The following HAL variants were observed in gnomAD, a reference collection of about 807,000 sequenced individuals.
HAL encodes histidase.
A neutral mutation model predicts 81.1 loss-of-function variants in HAL; 85 were observed. The ratio of observed to expected loss-of-function variants is 1.05; its 90% CI spans 0.88 to 1.25. The LOEUF (loss-of-function observed/expected upper bound fraction) is 1.25. Among genes scored for constraint, HAL ranks in the 50% most tolerant of loss-of-function variants. The pLI, the probability that HAL is intolerant of heterozygous loss-of-function variation, is 0.00. For synonymous variants in HAL, 301 were observed against 309.2 expected, an observed-to-expected ratio of 0.97 and a Z score of 0.28; for missense variants, 798 against 836.6, an observed-to-expected ratio of 0.95 and a Z score of 0.57.
rs121434328 is a variant in HAL at position 95,992,772 on chromosome 12, C to T, written c.623G>A (p.Arg208Gln). ...ATTGATCCTTAAAGCCAAGAGCATC[C>T]GACACCTCTCAGGACTTAGTGGTTT... ...VGKPLSPERC[R>Q]MLLALRINVL... Residue 208 changes from arginine (R) to glutamine (Q), a missense_variant, in exon 9 of 21, where the codon CGG becomes CAG. Physicochemically the swap from Arg to Gln is conservative, Grantham distance 43 (BLOSUM62 1). Coordinates refer to ENST00000261208, the MANE Select transcript of HAL (RefSeq NM_002108.4). 1.9e-5 allele frequency: 30 copies of T among 1,612,620 alleles called. No individual in the cohort carries two copies. The highest frequency in any genetic ancestry group is 5.3e-5 in the African/African-American group (4 of 74,876).
chr12:95,996,276 T>G lies in HAL; in HGVS notation c.-280A>C. 1 of 306,630 alleles carries G rather than the reference T, an allele frequency of 3.3e-6. No individual in the cohort carries two copies. Among genetic ancestry groups the G allele is most frequent in the Admixed American group, 4.5e-5 (1 of 22,286 alleles). The allele number at this position is 306,630 out of a possible 1,614,324, so 19.0% of individuals were successfully genotyped here. A position where few individuals can be genotyped will look rare whatever the true frequency, so the allele number is the denominator to read the frequency against. ...TTCAGGGTCCCCAATTTCTCTCTCT[T>G]CCCTCGTTTCTGTCTGTGTTCTCTG... is the stretch of plus-strand genomic sequence containing the variant. On this transcript the variant is annotated 5_prime_UTR_variant, in exon 1 of 21. Coordinates refer to ENST00000261208, the MANE Select transcript of HAL (RefSeq NM_002108.4).
chr12:95,994,245 A>C, intron 4 of HAL, 81 bp from the exon 5 acceptor site: 1 of 904,012 alleles, frequency 1.1e-6, no homozygotes, highest in Non-Finnish European at 1.9e-6. Context: ...AACAGAACCA[A>C]ACTGACATTT....
Position 95,995,641 on chromosome 12 carries a change from G to A in HAL, c.247+23C>T, listed in dbSNP as rs139887075. The A allele has an allele frequency of 1.4e-3, 2,325 of 1,612,154 alleles. 25 individuals are homozygous for A. The African/African-American group carries it at 0.026, about 18-fold the overall frequency. ...GCCAGGCCAAACCGCACCCGTTCGCGGCCCTCTCCTGCAGCCACTCACCCA... is the reference window on the plus strand; with the variant it reads ...GCCAGGCCAAACCGCACCCGTTCGCAGCCCTCTCCTGCAGCCACTCACCCA... On this transcript the variant is annotated intron_variant, in intron 2 of 20. Transcript: ENST00000261208.
rs1356527482 is a variant in HAL, at chr12:95,992,708, G to A, written c.687C>T (p.Thr229=). The A allele has an allele frequency of 8.1e-6, 13 of 1,612,600 alleles. No individual in the cohort carries two copies. Among genetic ancestry groups the A allele is most frequent in the African/African-American group, 1.3e-5 (1 of 74,874 alleles). The part of the protein sequence containing the change: ...AKGYSGISLE[T]LKQVIEMFNA... ...TAAACATTTCTATGACTTGTTTGAG[G>A]GTCTCCAGGGAAATGCCACTGTATC... The change falls in exon 9 of 21, where the codon ACC becomes ACT. Residue 229 remains threonine (T), a synonymous_variant. Transcript: ENST00000261208.
At chr12:95,995,611 A>G in intron 2 of HAL, 53 bp downstream of exon 2, 5 of 1,608,010 alleles carry the variant, frequency 3.1e-6, no homozygotes, top group Non-Finnish European at 4.2e-6. Flanking sequence ...TGCTGCAAAG[A>G]CTAAGCCAGG....
intron 8 of HAL, 29 bp downstream of exon 8, chr12:95,993,422 T>A (rs1203568268): frequency 4.8e-6 from 7 of 1,462,362 alleles, no homozygotes; most frequent in Non-Finnish European, 6.7e-6. Context: ...TCACACAAGA[T>A]CCAGGAGGCA....
rs375664999 is a variant in HAL, at chr12:95,990,371, T to C, written c.855+22A>G. ...TCCAACCTGGGGCAATTGCTGCAGA[T>C]AGAAGCTGCTACGAGTCTTACGTAT... On this transcript the variant is annotated intron_variant, in intron 10 of 20. Coordinates refer to ENST00000261208, the MANE Select transcript of HAL (RefSeq NM_002108.4). The C allele has an allele frequency of 1.2e-5, 20 of 1,606,736 alleles. No homozygotes were observed. The African/African-American group carries it at 1.7e-4, about 14-fold the overall frequency.
At chr12:95,993,532 G>C (rs764022631) in intron 7 of HAL, 44 bp from the exon 8 acceptor site, 2 of 1,299,620 alleles carry the variant, frequency 1.5e-6, no homozygotes, top group East Asian at 2.3e-5. Flanking sequence ...ATTGCAGTGA[G>C]AAAATGTTCC....
At chr12:95,988,061 T>A in intron 11 of HAL, 132 bp downstream of exon 11, 1 of 704,936 alleles carries the variant, frequency 1.4e-6, no homozygotes, top group Non-Finnish European at 2.6e-6. Flanking sequence ...GAGTTGCCCC[T>A]TCTTCAGGGA....
Position 95,993,915 on chromosome 12 carries a change from TA to T in HAL, c.484+10del. 6.5e-7 allele frequency: 1 copy of T among 1,534,700 alleles called. No individual in the cohort carries two copies. The highest frequency in any genetic ancestry group is 9.0e-7 in the Non-Finnish European group (1 of 1,107,786). ...TATAAAAATATTTATAACATAAAGA[TA>T]AAAAGATACCTGTTTTCTCTTTTAT... On this transcript the variant is annotated intron_variant, in intron 6 of 20. Transcript: ENST00000261208.
rs2080667088 is a variant in HAL at position 95,972,712 on chromosome 12, G to A, written c.*1520C>T. 6.6e-6 allele frequency: 1 copy of A among 152,176 alleles called. No homozygotes were observed. The highest frequency in any genetic ancestry group is 1.5e-5 in the Non-Finnish European group (1 of 68,036). The allele number at this position is 152,176 out of a possible 1,614,324, so 9.4% of individuals were successfully genotyped here. ...TGTTTCCCTTGAAGTTCCCTTGAAGGCGTGTGCTGTCAGTTACTAATAGAG... is the reference window on the plus strand; with the variant it reads ...TGTTTCCCTTGAAGTTCCCTTGAAGACGTGTGCTGTCAGTTACTAATAGAG... On this transcript the variant is annotated 3_prime_UTR_variant, in exon 21 of 21. Coordinates refer to ENST00000261208, the MANE Select transcript of HAL (RefSeq NM_002108.4).
At chr12:95,978,904 C>T (rs2080758473) in intron 17 of HAL, among the ~76,000 whole-genome samples, 1 of 152,168 alleles carries the variant, frequency 6.6e-6, no homozygotes, top group South Asian at 2.1e-4. Context: ...GGATCGCATC[C>T]TAAGATGATC....
At chr12:95,993,606 G>C in intron 7 of HAL, 118 bp from the exon 8 acceptor site, 1 of 879,146 alleles carries the variant, frequency 1.1e-6, no homozygotes, top group Admixed American at 1.8e-5. Flanking sequence ...AAGGCAATGG[G>C]AGAAACCAGC....
rs267603729 is a variant in HAL, at chr12:95,986,149, G to A, written c.1063C>T (p.Leu355Phe). ...TKAFDTDIHA[L>F]RPHRGQIEVA... ...TCAATTTGCCCACGGTGAGGTCGAA[G>A]AGCATGAATGTCTAGAATTGATGAA... Residue 355 changes from leucine (L) to phenylalanine (F), a missense_variant, in exon 13 of 21, where the codon CTT (leucine) becomes TTT (phenylalanine). Leu to Phe is a conservative substitution (Grantham distance 22). Transcript: ENST00000261208. 6.3e-7 allele frequency: 1 copy of A among 1,587,664 alleles called. No individual in the cohort carries two copies. Among genetic ancestry groups the A allele is most frequent in the Admixed American group, 1.7e-5 (1 of 59,986 alleles).
At chr12:95,981,580 C>T (rs1176185487) in intron 15 of HAL, among the ~76,000 whole-genome samples, 3 of 152,214 alleles carry the variant, frequency 2.0e-5, no homozygotes, top group Non-Finnish European at 4.4e-5. Flanking sequence ...GTGCCTCAGC[C>T]TCCTGAGTAG....
Position 95,996,106 on chromosome 12 carries a change from G to A in HAL, c.-110C>T, listed in dbSNP as rs958425308. 8.1e-6 allele frequency: 5 copies of A among 619,804 alleles called. No individual in the cohort carries two copies. The African/African-American group carries it at 9.0e-5, about 11-fold the overall frequency. 38.4% of individuals were successfully genotyped at this position (619,804 alleles called of 1,614,324 possible). ...CTGTCCCTTTGGTTTTTGTAGCCGA[G>A]CAGGGGCAGGAGCAGGGGATGCAGA... is the stretch of plus-strand genomic sequence containing the variant. On this transcript the variant is annotated 5_prime_UTR_variant, in exon 1 of 21. Transcript: ENST00000261208.
Position 95,976,511 on chromosome 12 carries a change from C to A in HAL, c.1764-13G>T. On this transcript the variant is annotated splice_polypyrimidine_tract_variant and intron_variant, in intron 19 of 20. Coordinates refer to ENST00000261208, the MANE Select transcript of HAL (RefSeq NM_002108.4). ...TTTTATCCAGGGCCTACAGGGAGAGCACATCCGCCCATCAGCCAAACATGA... is the reference window on the plus strand; with the variant it reads ...TTTTATCCAGGGCCTACAGGGAGAGAACATCCGCCCATCAGCCAAACATGA... 1 of 1,613,430 alleles carries A rather than the reference C, an allele frequency of 6.2e-7. No individual in the cohort carries two copies. The highest frequency in any genetic ancestry group is 8.5e-7 in the Non-Finnish European group (1 of 1,179,340).
intron 9 of HAL, among the ~76,000 whole-genome samples, chr12:95,992,093 G>T (rs565502817): frequency 6.6e-6 from 1 of 152,260 alleles, no homozygotes; most frequent in East Asian, 1.9e-4. Flanking sequence ...TGCAAATCTG[G>T]TTTCCACATT....
In HAL at chr12:95,996,156, C is replaced by T; in HGVS notation, c.-160G>A. The T allele has an allele frequency of 1.9e-6, 1 of 516,596 alleles. No individual in the cohort carries two copies. Among genetic ancestry groups the T allele is most frequent in the Non-Finnish European group, 3.6e-6 (1 of 281,566 alleles). 32.0% of individuals were successfully genotyped at this position (516,596 alleles called of 1,614,324 possible). On this transcript the variant is annotated 5_prime_UTR_variant, in exon 1 of 21. It removes an upstream start codon present in the reference 5' UTR. Coordinates refer to ENST00000261208, the MANE Select transcript of HAL (RefSeq NM_002108.4). ...ACGGGTGAGCCTCCTGTCCACTTTC[C>T]ATCCAGACCTGCTGCCAGAAAGGCC...
Sources: gnomAD v4.1 joint callset for allele counts (sites outside exome capture counted in the v4.1 genomes callset) on GRCh38, gnomAD v4.1.1 for gene constraint, MANE v1.5 for transcripts, NCBI Gene and HGNC (gene_info 2026-07-23, HGNC 2026-07-21) for gene names.